The following DYRK1A variants were observed in gnomAD, a reference collection of about 807,000 sequenced individuals.
DYRK1A encodes the protein dual specificity tyrosine-phosphorylation-regulated kinase 1A.
DYRK1A carries 9 observed loss-of-function variants against 79.7 expected under a neutral mutation model. The observed-to-expected ratio is 0.11, with a 90% CI of 0.07 to 0.20. The LOEUF (loss-of-function observed/expected upper bound fraction) is 0.20, where lower values mean the gene tolerates loss of function less well. Among genes scored for constraint, DYRK1A ranks in the 10% least tolerant of loss-of-function variants. DYRK1A has a pLI of 1.00. For missense variants in DYRK1A, 622 were observed against 956.0 expected (o/e 0.65, Z 4.61); for synonymous variants, 349 against 329.7 (o/e 1.06, Z -0.63).
intron 3 of DYRK1A, among the ~76,000 whole-genome samples, chr21:37,474,468 G>A (rs2052330944): frequency 6.6e-6 from 1 of 152,134 alleles, no homozygotes; most frequent in Admixed American, 6.5e-5. Context: ...GGCCTAATAA[G>A]GGAGTCATAT....
chr21:37,411,742 A>C (rs1298358008), intron 1 of DYRK1A, among the ~76,000 whole-genome samples: 1 of 152,240 alleles, frequency 6.6e-6, no homozygotes, highest in African/African-American at 2.4e-5. Flanking sequence ...TTCATTTTAG[A>C]AAATTTAGAG....
intron 1 of DYRK1A, among the ~76,000 whole-genome samples, chr21:37,370,289 C>CTT (rs777551450): frequency 1.1e-4 from 15 of 140,420 alleles, no homozygotes; most frequent in African/African-American, 1.3e-4. Flanking sequence ...ACTTGAAAAC[C>CTT]TTTTTTTTTT....
At position 37,374,463 on chromosome 21, in the gene DYRK1A, CCAAA is replaced by C. The variant is rs1048470214; in HGVS notation, c.-77+6838_-77+6841del. Among the ~76,000 whole-genome samples the C allele has an allele frequency of 7.3e-5, 11 of 151,708 alleles. No homozygotes were observed. The South Asian group carries it at 1.5e-3, about 20-fold the overall frequency. On this transcript the variant is annotated intron_variant, in intron 1 of 11. Transcript: ENST00000647188. The stretch of plus-strand genomic sequence containing the variant: ...ACAGACTTGGGAAAACTAATGGTTC[CCAAA>C]CAGTCTTCTGGAGAACTTGTCAAAG...
chr21:37,451,137 G>A (rs1042234817), intron 2 of DYRK1A, among the ~76,000 whole-genome samples: 1 of 152,116 alleles, frequency 6.6e-6, no homozygotes, highest in African/African-American at 2.4e-5. Context: ...GTACAGTTGT[G>A]CAGTGTTTTA....
chr21:37,429,617 T>C (rs1301537557), intron 2 of DYRK1A, among the ~76,000 whole-genome samples: 1 of 152,172 alleles, frequency 6.6e-6, no homozygotes, highest in African/African-American at 2.4e-5. Flanking sequence ...GCCCCTGTGA[T>C]CCAATCACCT....
intron 9 of DYRK1A, chr21:37,502,398 G>A (rs1601308287): frequency 6.6e-6 from 1 of 151,966 alleles, no homozygotes; most frequent in East Asian, 1.9e-4. Context: ...TTTATCTCTT[G>A]TACTGATTTT....
At chr21:37,402,473 T>C (rs1424505386) in intron 1 of DYRK1A, among the ~76,000 whole-genome samples, 1 of 152,248 alleles carries the variant, frequency 6.6e-6, no homozygotes, top group African/African-American at 2.4e-5. Context: ...ATGTAAGTGG[T>C]AATGACTATC....
chr21:37,376,014 G>C (rs1020805907), intron 1 of DYRK1A, among the ~76,000 whole-genome samples: 5 of 151,910 alleles, frequency 3.3e-5, no homozygotes, highest in Admixed American at 3.3e-4. Flanking sequence ...CAGACGAGGA[G>C]ATGAAGAACA....
At chr21:37,454,500 G>A (rs758511421) in intron 2 of DYRK1A, among the ~76,000 whole-genome samples, 1 of 152,074 alleles carries the variant, frequency 6.6e-6, no homozygotes, top group Non-Finnish European at 1.5e-5. Context: ...GATGGAATGA[G>A]TCTAAAAAGT....
intron 5 of DYRK1A, 193 bp downstream of exon 5, chr21:37,481,019 C>T (rs2052620386): frequency 1.0e-5 from 5 of 485,102 alleles, no homozygotes; most frequent in African/African-American, 2.0e-5. Flanking sequence ...ACTCCTTAGA[C>T]TTCTAAAAAC....
Position 37,492,881 on chromosome 21 carries a change from T to C in DYRK1A, c.925-136T>C, listed in dbSNP as rs556618608. On this transcript the variant is annotated intron_variant, in intron 7 of 11. Transcript: ENST00000647188. ...TCTTTAAGCCGTATTCGTAGTCTAA[T>C]GTTGAAGTTAATCAATGGAACCCTA... The C allele has an allele frequency of 2.3e-4, 147 of 629,650 alleles. 4 individuals are homozygous for C. The South Asian group carries it at 3.6e-3, about 16-fold the overall frequency. 39.0% of individuals were successfully genotyped at this position (629,650 alleles called of 1,614,324 possible).
Position 37,496,270 on chromosome 21 carries a change from A to T in DYRK1A, c.1212+12A>T. On this transcript the variant is annotated intron_variant, in intron 9 of 11. Transcript: ENST00000647188. Reference sequence around the variant, plus strand: ...AAGATGGAAAACGGGTAAAATAAGGATATATCTGTTTTGAGCCTTTATTAA... The same window carrying T: ...AAGATGGAAAACGGGTAAAATAAGGTTATATCTGTTTTGAGCCTTTATTAA... 6.2e-7 allele frequency: 1 copy of T among 1,606,300 alleles called. No individual in the cohort carries two copies. Among genetic ancestry groups the T allele is most frequent in the Non-Finnish European group, 8.5e-7 (1 of 1,177,734 alleles).
At chr21:37,458,525 G>A (rs2051734805) in intron 2 of DYRK1A, among the ~76,000 whole-genome samples, 1 of 152,026 alleles carries the variant, frequency 6.6e-6, no homozygotes, top group Non-Finnish European at 1.5e-5. Flanking sequence ...TTGTACAAGG[G>A]AGAGGAGTAC....
At chr21:37,456,693 C>T (rs1242333687) in intron 2 of DYRK1A, among the ~76,000 whole-genome samples, 1 of 152,130 alleles carries the variant, frequency 6.6e-6, no homozygotes, top group Non-Finnish European at 1.5e-5. Context: ...GGGCGCGGGC[C>T]CACCTACCTC....
chr21:37,519,750 T>TGTTTTGTTTTGTTTTG lies in DYRK1A; in HGVS notation c.*7219_*7220insGTTTTGTTTTGTTTTG, dbSNP rs1569413814. 7.1e-6 allele frequency: 1 copy of TGTTTTGTTTTGTTTTG among 140,722 alleles called. No individual in the cohort carries two copies. Among genetic ancestry groups the TGTTTTGTTTTGTTTTG allele is most frequent in the South Asian group, 2.2e-4 (1 of 4,474 alleles). 8.7% of individuals were successfully genotyped at this position (140,722 alleles called of 1,614,324 possible). On this transcript the variant is annotated 3_prime_UTR_variant, in exon 12 of 12. Coordinates refer to ENST00000647188, the MANE Select transcript of DYRK1A (RefSeq NM_001347721.2). ...TGTTGTGGGAAGTTTTTTTTTTTTT[T>TGTTTTGTTTTGTTTTG]TTTTTTTTTGAGGCGGAGTCTCGCT...
rs1214117095 is a variant in DYRK1A at position 37,524,649 on chromosome 21, TC to T, written c.*12122del. 2.0e-5 allele frequency: 3 copies of T among 152,232 alleles called. No homozygotes were observed. The East Asian group carries it at 5.8e-4, about 29-fold the overall frequency. The allele number at this position is 152,232 out of a possible 1,614,324, so 9.4% of individuals were successfully genotyped here. A position where few individuals can be genotyped will look rare whatever the true frequency, so the allele number is the denominator to read the frequency against. ...AAAAGGCAAATGGTTTTGAGTGGTT[TC>T]CCCTGACTCTCATGACAGGGGTCAC... On this transcript the variant is annotated 3_prime_UTR_variant, in exon 12 of 12. Coordinates refer to ENST00000647188, the MANE Select transcript of DYRK1A (RefSeq NM_001347721.2).
At chr21:37,476,787 T>C (rs1449999547) in intron 3 of DYRK1A, among the ~76,000 whole-genome samples, 1 of 150,010 alleles carries the variant, frequency 6.7e-6, no homozygotes, top group Admixed American at 6.7e-5. Flanking sequence ...CTGATGATTT[T>C]TGTCAGACAA....
rs1367943482 is a variant in DYRK1A, at chr21:37,516,422, T to C, written c.*3891T>C. The C allele has an allele frequency of 3.9e-5, 6 of 152,346 alleles. No homozygotes were observed. Among genetic ancestry groups the C allele is most frequent in the African/African-American group, 7.2e-5 (3 of 41,578 alleles). 9.4% of individuals were successfully genotyped at this position (152,346 alleles called of 1,614,324 possible). A position where few individuals can be genotyped will look rare whatever the true frequency, so the allele number is the denominator to read the frequency against. On this transcript the variant is annotated 3_prime_UTR_variant, in exon 12 of 12. Transcript: ENST00000647188. ...TGATTTTCATAACCCTGGTTTCTTA[T>C]CTAGGCCTGTTTCCTTGCGTGAAAA...
intron 3 of DYRK1A, among the ~76,000 whole-genome samples, chr21:37,476,894 G>A (rs1283302001): frequency 2.0e-5 from 3 of 147,706 alleles, no homozygotes; most frequent in African/African-American, 7.9e-5. Flanking sequence ...CAGTAAATGG[G>A]TGAATTTGCC....
Sources: allele counts gnomAD v4.1 joint callset (sites outside exome capture counted in the v4.1 genomes callset), GRCh38; gene constraint gnomAD v4.1.1; transcripts MANE v1.5; gene names NCBI Gene and HGNC (gene_info 2026-07-23, HGNC 2026-07-21).